The following ZMYND8 variants were observed in gnomAD, a reference collection of about 807,000 sequenced individuals.
ZMYND8 encodes the protein zinc finger MYND-type containing 8.
Under a neutral mutation model 140.8 loss-of-function variants are expected in ZMYND8, and 37 were observed. The ratio of observed to expected loss-of-function variants is 0.26; its 90% CI spans 0.20 to 0.35. ZMYND8 has a LOEUF of 0.35. Among genes scored for constraint, ZMYND8 ranks in the 10% least tolerant of loss-of-function variants. The pLI is 1.00. For synonymous variants in ZMYND8, 592 were observed against 597.1 expected (o/e 0.99, Z 0.12); for missense variants, 1,068 against 1,570.0 (o/e 0.68, Z 5.40).
chr20:47,236,421 A>AC lies in ZMYND8; in HGVS notation c.2760dup (p.Ser921ValfsTer12). ...ACTGAGGACACAAGGGTGCTCATGG[A>AC]CCCCGAGCTGGTGACCAGGGGCGAT... On this transcript the variant is annotated frameshift_variant, in exon 16 of 23. Transcript: ENST00000471951. LOFTEE classifies it high-confidence loss of function. 1 of 1,614,050 alleles carries AC rather than the reference A, an allele frequency of 6.2e-7. No homozygotes were observed. The highest frequency in any genetic ancestry group is 8.5e-7 in the Non-Finnish European group (1 of 1,180,000).
chr20:47,216,495 CAAAAAAAA>C (rs10536216), intron 21 of ZMYND8, among the ~76,000 whole-genome samples: 37 of 59,456 alleles, frequency 6.2e-4, no homozygotes, highest in Middle Eastern at 0.016. Context: ...GACTCTGTCT[CAAAAAAAA>C]AAAAAAAAAA....
At chr20:47,296,018 C>T (rs2077612960) in intron 4 of ZMYND8, among the ~76,000 whole-genome samples, 1 of 152,142 alleles carries the variant, frequency 6.6e-6, no homozygotes, top group Non-Finnish European at 1.5e-5. Flanking sequence ...AAGGCCAACA[C>T]AAGAGTCACT....
intron 20 of ZMYND8, 82 bp from the exon 21 acceptor site, chr20:47,220,406 G>A: frequency 7.8e-6 from 9 of 1,147,740 alleles, no homozygotes; most frequent in Middle Eastern, 2.5e-4. Flanking sequence ...GAGTCATGGG[G>A]GTGCTCATCG....
intron 2 of ZMYND8, among the ~76,000 whole-genome samples, chr20:47,342,311 G>A (rs568012468): frequency 4.6e-5 from 7 of 151,906 alleles, no homozygotes; most frequent in Admixed American, 1.3e-4. Flanking sequence ...TTGGGAGGCC[G>A]AGGCGGGCGG....
chr20:47,281,848 A>G (rs2076625518), intron 10 of ZMYND8, among the ~76,000 whole-genome samples: 1 of 152,204 alleles, frequency 6.6e-6, no homozygotes, highest in South Asian at 2.1e-4. Flanking sequence ...ACAGCCACAG[A>G]ACCCATTCCA....
intron 1 of ZMYND8, chr20:47,355,715 A>G (rs2083174231): frequency 6.4e-6 from 1 of 155,118 alleles, no homozygotes; most frequent in African/African-American, 2.4e-5. Context: ...AAATGAAAAC[A>G]AGGATAAAAG....
intron 11 of ZMYND8, among the ~76,000 whole-genome samples, chr20:47,269,739 G>C (rs2075794094): frequency 6.6e-6 from 1 of 152,208 alleles, no homozygotes; most frequent in African/African-American, 2.4e-5. Flanking sequence ...GGGTGGGGTG[G>C]AAAGGCAGAG....
intron 6 of ZMYND8, among the ~76,000 whole-genome samples, chr20:47,290,566 G>GGT (rs2077189128): frequency 6.6e-6 from 1 of 150,448 alleles, no homozygotes; most frequent in Non-Finnish European, 1.5e-5. Context: ...CAATAAACAG[G>GGT]ATAGTTTATT....
At position 47,347,937 on chromosome 20, in the gene ZMYND8, G is replaced by C. The variant is rs781429226; in HGVS notation, c.15-11C>G. 1 of 1,613,546 alleles carries C rather than the reference G, an allele frequency of 6.2e-7. No individual in the cohort carries two copies. Among genetic ancestry groups the C allele is most frequent in the East Asian group, 2.2e-5 (1 of 44,886 alleles). Reference sequence around the variant, plus strand: ...TCCTCTTCAGCCAAGCTGAAACAGAGCAAATTATGTTCATGTTTAGGAAGG... The same window carrying C: ...TCCTCTTCAGCCAAGCTGAAACAGACCAAATTATGTTCATGTTTAGGAAGG... On this transcript the variant is annotated splice_polypyrimidine_tract_variant and intron_variant, in intron 1 of 22. Transcript: ENST00000471951.
intron 11 of ZMYND8, among the ~76,000 whole-genome samples, chr20:47,270,634 G>A (rs1337445813): frequency 6.7e-6 from 1 of 149,210 alleles, no homozygotes; most frequent in Non-Finnish European, 1.5e-5. Flanking sequence ...GCTAAGGCGG[G>A]AGGATCGCTT....
At chr20:47,266,766 A>AG (rs2075555778) in intron 11 of ZMYND8, among the ~76,000 whole-genome samples, 1 of 152,172 alleles carries the variant, frequency 6.6e-6, no homozygotes, top group Admixed American at 6.5e-5. Context: ...AATAATTTTT[A>AG]GGGGGTGAAA....
chr20:47,250,999 G>A (rs1351068652), intron 12 of ZMYND8, among the ~76,000 whole-genome samples: 2 of 151,434 alleles, frequency 1.3e-5, no homozygotes, highest in Non-Finnish European at 2.9e-5. Flanking sequence ...CTGCACTCTA[G>A]ACTGGGAGAC....
chr20:47,328,589 G>A (rs778041491), intron 2 of ZMYND8, among the ~76,000 whole-genome samples: 50 of 152,076 alleles, frequency 3.3e-4, no homozygotes, highest in African/African-American at 5.3e-4. Flanking sequence ...TCAGCCTCCC[G>A]AGTAGCTGGG....
chr20:47,332,156 C>T (rs984352927), intron 2 of ZMYND8, among the ~76,000 whole-genome samples: 1 of 152,112 alleles, frequency 6.6e-6, no homozygotes, highest in Non-Finnish European at 1.5e-5. Context: ...ACTAAAAATA[C>T]AAAAATTAGC....
intron 2 of ZMYND8, among the ~76,000 whole-genome samples, chr20:47,325,848 G>A (rs889470924): frequency 6.6e-6 from 1 of 151,848 alleles, no homozygotes; most frequent in African/African-American, 2.4e-5. Context: ...GAGTGCAATG[G>A]CACAATCTCC....
intron 10 of ZMYND8, 144 bp from the exon 11 acceptor site, chr20:47,276,939 A>C (rs899469819): frequency 2.3e-6 from 2 of 884,490 alleles, no homozygotes; most frequent in Non-Finnish European, 3.1e-6. Flanking sequence ...ACTTGGTTTG[A>C]AGGATTAATT....
At chr20:47,280,122 T>TC (rs778098831) in intron 10 of ZMYND8, among the ~76,000 whole-genome samples, 891 of 81,132 alleles carry the variant, frequency 0.011, 8 homozygotes, top group Non-Finnish European at 0.016. Context: ...AAGACTCTGC[T>TC]CCAAAAAAAA....
chr20:47,220,204 C>A, intron 21 of ZMYND8, 54 bp downstream of exon 21: 1 of 1,453,642 alleles, frequency 6.9e-7, no homozygotes, highest in South Asian at 1.2e-5. Flanking sequence ...AATGGCTCCC[C>A]ATCTGCCCAT....
At chr20:47,295,623 A>G (rs1407946236) in intron 4 of ZMYND8, among the ~76,000 whole-genome samples, 1 of 152,222 alleles carries the variant, frequency 6.6e-6, no homozygotes, top group African/African-American at 2.4e-5. Flanking sequence ...GTATGACTTC[A>G]TTGTCCATCT....
Sources: gnomAD v4.1 joint callset for allele counts (sites outside exome capture counted in the v4.1 genomes callset) on GRCh38, gnomAD v4.1.1 for gene constraint, MANE v1.5 for transcripts, NCBI Gene and HGNC (gene_info 2026-07-23, HGNC 2026-07-21) for gene names.